Variants in ELAVL2 observed in about 807,000 individuals in gnomAD.
ELAVL2 encodes the protein ELAV like RNA binding protein 2.
Under a neutral mutation model 34.6 loss-of-function variants are expected in ELAVL2, and 4 were observed. The ratio of observed to expected loss-of-function variants is 0.12; its 90% CI spans 0.06 to 0.26. The LOEUF (loss-of-function observed/expected upper bound fraction) is 0.26. Among genes scored for constraint, ELAVL2 ranks in the 10% least tolerant of loss-of-function variants. The pLI is 1.00. For synonymous variants in ELAVL2, 193 were observed against 154.8 expected, an observed-to-expected ratio of 1.25 and a Z score of -1.83; for missense variants, 432 against 442.8, an observed-to-expected ratio of 0.98 and a Z score of 0.22.
At chr9:23,814,890 C>G (rs2063501058) in intron 1 of ELAVL2, among the ~76,000 whole-genome samples, 1 of 152,144 alleles carries the variant, frequency 6.6e-6, no homozygotes, top group South Asian at 2.1e-4. Flanking sequence ...ACCCAATTCA[C>G]TGAATTTATT....
intron 1 of ELAVL2, among the ~76,000 whole-genome samples, chr9:23,804,911 G>A (rs1588673905): frequency 6.6e-6 from 1 of 152,124 alleles, no homozygotes. Flanking sequence ...TATGGGTAGG[G>A]CCTTTCCAGC....
chr9:23,748,516 T>C (rs2051079639), intron 2 of ELAVL2, among the ~76,000 whole-genome samples: 1 of 152,164 alleles, frequency 6.6e-6, no homozygotes, highest in Non-Finnish European at 1.5e-5. Context: ...CAACTGCCTC[T>C]TCCTCCAGGT....
intron 3 of ELAVL2, among the ~76,000 whole-genome samples, chr9:23,729,811 T>A (rs1241387606): frequency 1.3e-5 from 2 of 152,004 alleles, no homozygotes; most frequent in Non-Finnish European, 2.9e-5. Context: ...GCTAATAAAT[T>A]ACCTTAACTG....
At chr9:23,779,387 T>C (rs2058724259) in intron 1 of ELAVL2, 1 of 985,348 alleles carries the variant, frequency 1.0e-6, no homozygotes, top group Non-Finnish European at 1.2e-6. Context: ...ACGCCCTGCC[T>C]AAACACTGGC....
intron 1 of ELAVL2, among the ~76,000 whole-genome samples, chr9:23,788,480 T>TA (rs947120882): frequency 6.5e-4 from 99 of 152,280 alleles, no homozygotes; most frequent in African/African-American, 2.2e-3. Context: ...TTCCTACACA[T>TA]ACCTATGATA....
At chr9:23,701,994 G>A (rs999372854) in intron 4 of ELAVL2, among the ~76,000 whole-genome samples, 3 of 152,174 alleles carry the variant, frequency 2.0e-5, no homozygotes, top group African/African-American at 7.2e-5. Context: ...GCTCAGAAAT[G>A]AGGGACACAG....
At chr9:23,731,446 T>C (rs974693028) in intron 2 of ELAVL2, among the ~76,000 whole-genome samples, 2 of 152,072 alleles carry the variant, frequency 1.3e-5, no homozygotes, top group African/African-American at 4.8e-5. Flanking sequence ...TGGGGATAAA[T>C]CTCTGTGCTA....
intron 1 of ELAVL2, among the ~76,000 whole-genome samples, chr9:23,812,958 G>C (rs1207189897): frequency 6.6e-6 from 1 of 151,946 alleles, no homozygotes; most frequent in East Asian, 1.9e-4. Context: ...ATTAATGCTG[G>C]GTTGATACAA....
chr9:23,850,305 G>A, the ELAVL2 span, among the ~76,000 whole-genome samples: 1 of 146,858 alleles, frequency 6.8e-6, no homozygotes, highest in Non-Finnish European at 1.5e-5. Context: ...CTCAACTGCA[G>A]GAGAGGAAAG....
chr9:23,784,711 G>A (rs2059476405), intron 1 of ELAVL2, among the ~76,000 whole-genome samples: 1 of 152,172 alleles, frequency 6.6e-6, no homozygotes. Context: ...CTGGCTCAGT[G>A]TTTCTGAACT....
intron 1 of ELAVL2, among the ~76,000 whole-genome samples, chr9:23,791,949 C>T (rs573056099): frequency 6.6e-6 from 1 of 152,306 alleles, no homozygotes; most frequent in East Asian, 1.9e-4. Context: ...TGCTGCCACC[C>T]AATCTTTTCC....
intron 1 of ELAVL2, among the ~76,000 whole-genome samples, chr9:23,809,602 G>T (rs1021540491): frequency 6.6e-6 from 1 of 152,052 alleles, no homozygotes; most frequent in Non-Finnish European, 1.5e-5. Context: ...ATTTTCAATT[G>T]ATTATCAGTC....
intron 2 of ELAVL2, among the ~76,000 whole-genome samples, 190 bp from the exon 3 acceptor site, chr9:23,731,315 G>C (rs542581837): frequency 6.6e-6 from 1 of 151,034 alleles, no homozygotes; most frequent in African/African-American, 2.4e-5. Context: ...TCAAGTTTTA[G>C]AACTCAGCAA....
chr9:23,799,708 A>T (rs887865837), intron 1 of ELAVL2, among the ~76,000 whole-genome samples: 2 of 152,226 alleles, frequency 1.3e-5, no homozygotes, highest in Non-Finnish European at 2.9e-5. Context: ...TAATTGCCTT[A>T]CCACACCCAA....
Position 23,692,343 on chromosome 9 carries a change from C to T in ELAVL2, c.*214G>A. On this transcript the variant is annotated 3_prime_UTR_variant, in exon 7 of 7. Coordinates refer to ENST00000397312, the MANE Select transcript of ELAVL2 (RefSeq NM_004432.5). ...CAATGTGACAGGTAAAAACCCTGTA[C>T]CTCTTGTCCATATTCAAACATAAAA... is the stretch of plus-strand genomic sequence containing the variant. The T allele has an allele frequency of 1.8e-6, 1 of 553,148 alleles. No homozygotes were observed. The allele number at this position is 553,148 out of a possible 1,614,324, so 34.3% of individuals were successfully genotyped here.
chr9:23,763,893 C>T (rs985622548), intron 1 of ELAVL2, among the ~76,000 whole-genome samples: 1 of 152,120 alleles, frequency 6.6e-6, no homozygotes, highest in African/African-American at 2.4e-5. Flanking sequence ...AGCTGTTTCT[C>T]TACGTAAGCT....
intron 2 of ELAVL2, among the ~76,000 whole-genome samples, chr9:23,747,628 G>T (rs1474495831): frequency 6.6e-6 from 1 of 152,084 alleles, no homozygotes; most frequent in Non-Finnish European, 1.5e-5. Context: ...GAGGCTTTTG[G>T]AAACTCCCTA....
At chr9:23,834,671 C>T in the ELAVL2 span, among the ~76,000 whole-genome samples, 27 of 152,114 alleles carry the variant, frequency 1.8e-4, no homozygotes, top group African/African-American at 6.3e-4. Flanking sequence ...TTTTCATTAG[C>T]TCTCATTAAT....
chr9:23,735,610 A>T (rs2047695139), intron 2 of ELAVL2: 1 of 152,150 alleles, frequency 6.6e-6, no homozygotes, highest in Non-Finnish European at 1.5e-5. Context: ...CTTGGTAGGG[A>T]TTCTAGAACT....
Sources: gnomAD v4.1 joint callset for allele counts (sites outside exome capture counted in the v4.1 genomes callset) on GRCh38, gnomAD v4.1.1 for gene constraint, MANE v1.5 for transcripts, NCBI Gene and HGNC (gene_info 2026-07-23, HGNC 2026-07-21) for gene names.